PDZRN4: variants seen among roughly 807,000 people sequenced by gnomAD.
PDZRN4 encodes the protein PDZ domain-containing RING finger protein 4.
A neutral mutation model predicts 99.0 loss-of-function variants in PDZRN4; 70 were observed. The ratio of observed to expected loss-of-function variants is 0.71; its 90% confidence interval spans 0.58 to 0.86. The LOEUF (loss-of-function observed/expected upper bound fraction) is 0.86, where lower values mean the gene tolerates loss of function less well. PDZRN4 is among the 40% of genes least tolerant of loss of function. The pLI is 0.00. For synonymous variants in PDZRN4, 551 were observed against 501.6 expected (o/e 1.10, Z -1.32); for missense variants, 1,474 against 1,331.2 (o/e 1.11, Z -1.67).
At chr12:41,333,050 G>A (rs974765305) in intron 3 of PDZRN4, among the ~76,000 whole-genome samples, 4 of 152,084 alleles carry the variant, frequency 2.6e-5, no homozygotes, top group Non-Finnish European at 5.9e-5. Flanking sequence ...AGTGAGTGAT[G>A]GAGCTAGGAT....
At chr12:41,525,711 T>C (rs1386010858) in intron 5 of PDZRN4, among the ~76,000 whole-genome samples, 1 of 151,910 alleles carries the variant, frequency 6.6e-6, no homozygotes, top group Non-Finnish European at 1.5e-5. Context: ...AAGGAAAAAA[T>C]GGAAAAGAAA....
intron 3 of PDZRN4, among the ~76,000 whole-genome samples, chr12:41,328,086 T>A (rs992894098): frequency 6.6e-6 from 1 of 151,876 alleles, no homozygotes; most frequent in Non-Finnish European, 1.5e-5. Context: ...AGACAAGAGG[T>A]GGTCTACCCA....
intron 3 of PDZRN4, among the ~76,000 whole-genome samples, chr12:41,449,678 T>C (rs1371180319): frequency 6.6e-6 from 1 of 152,192 alleles, no homozygotes; most frequent in Non-Finnish European, 1.5e-5. Context: ...AGATGAAAAT[T>C]AAAATTAAAA....
chr12:41,430,769 A>G (rs1038085717), intron 3 of PDZRN4, among the ~76,000 whole-genome samples: 37 of 152,252 alleles, frequency 2.4e-4, no homozygotes, highest in African/African-American at 8.4e-4. Context: ...GTCTGTTCTC[A>G]TATTGCTATA....
rs1952642543 is a variant in PDZRN4, at chr12:41,437,690, A to T, written c.844-68766A>T. The stretch of plus-strand genomic sequence containing the variant: ...ATGTGCACTGATGCAGAGACGGGGG[A>T]GTGTTGCCATGAACTGACTGGAAAC... On this transcript the variant is annotated intron_variant, in intron 3 of 9. Coordinates refer to ENST00000402685, the MANE Select transcript of PDZRN4 (RefSeq NM_001164595.2). 3.0e-6 allele frequency: 4 copies of T among 1,318,872 alleles called. No homozygotes were observed. The East Asian group carries it at 1.1e-4, about 35-fold the overall frequency. The allele number at this position is 1,318,872 out of a possible 1,614,324, so 81.7% of individuals were successfully genotyped here. A position where few individuals can be genotyped will look rare whatever the true frequency, so the allele number is the denominator to read the frequency against.
intron 2 of PDZRN4, among the ~76,000 whole-genome samples, chr12:41,193,325 G>T (rs1215267267): frequency 6.6e-6 from 1 of 152,074 alleles, no homozygotes; most frequent in Non-Finnish European, 1.5e-5. Context: ...TATTTAACCT[G>T]TCATGAAGTC....
At chr12:41,316,513 G>T (rs182200249) in intron 3 of PDZRN4, among the ~76,000 whole-genome samples, 70 of 149,314 alleles carry the variant, frequency 4.7e-4, no homozygotes, top group Non-Finnish European at 7.4e-5. Flanking sequence ...AAAAACTGTA[G>T]CCCAGGACAA....
intron 3 of PDZRN4, among the ~76,000 whole-genome samples, chr12:41,503,223 A>G (rs1938141419): frequency 6.6e-6 from 1 of 152,156 alleles, no homozygotes; most frequent in African/African-American, 2.4e-5. Flanking sequence ...ACTTTGAGAG[A>G]TATTAAATAG....
chr12:41,226,079 T>A (rs190164177), intron 3 of PDZRN4, among the ~76,000 whole-genome samples: 253 of 151,796 alleles, frequency 1.7e-3, no homozygotes, highest in African/African-American at 5.8e-3. Context: ...GATCATTTGG[T>A]GTCATTTTTT....
intron 3 of PDZRN4, among the ~76,000 whole-genome samples, chr12:41,271,955 C>T (rs765991854): frequency 3.3e-5 from 5 of 152,024 alleles, no homozygotes; most frequent in Non-Finnish European, 7.4e-5. Context: ...TATTTCAATA[C>T]TGCACAGACA....
At chr12:41,496,406 G>A (rs1194760609) in intron 3 of PDZRN4, among the ~76,000 whole-genome samples, 1 of 152,056 alleles carries the variant, frequency 6.6e-6, no homozygotes, top group Non-Finnish European at 1.5e-5. Flanking sequence ...ACTCTGAGTG[G>A]ATATTATTAT....
intron 3 of PDZRN4, among the ~76,000 whole-genome samples, chr12:41,296,805 C>A (rs1424790063): frequency 6.6e-6 from 1 of 151,762 alleles, no homozygotes; most frequent in East Asian, 1.9e-4. Flanking sequence ...ACAAAAAATA[C>A]AAAAATTAGC....
intron 5 of PDZRN4, among the ~76,000 whole-genome samples, chr12:41,534,834 G>C (rs1449889119): frequency 6.6e-6 from 1 of 151,968 alleles, no homozygotes; most frequent in Non-Finnish European, 1.5e-5. Context: ...GGTTATTTCT[G>C]CATCTGTGGA....
At chr12:41,355,324 C>G (rs1017438809) in intron 3 of PDZRN4, among the ~76,000 whole-genome samples, 6 of 151,976 alleles carry the variant, frequency 3.9e-5, no homozygotes, top group Non-Finnish European at 8.8e-5. Flanking sequence ...ACATTGAGAA[C>G]CTGTTGTCTT....
At chr12:41,240,032 A>G (rs1243803952) in intron 3 of PDZRN4, among the ~76,000 whole-genome samples, 1 of 152,214 alleles carries the variant, frequency 6.6e-6, no homozygotes, top group Non-Finnish European at 1.5e-5. Context: ...CATGGAGTAA[A>G]TCACTGAAGC....
intron 3 of PDZRN4, among the ~76,000 whole-genome samples, chr12:41,262,256 AC>A (rs935289368): frequency 3.9e-5 from 6 of 152,162 alleles, no homozygotes; most frequent in African/African-American, 1.2e-4. Flanking sequence ...AAAGACCATG[AC>A]CACAATCTGT....
intron 5 of PDZRN4, among the ~76,000 whole-genome samples, chr12:41,531,076 G>A (rs914846804): frequency 6.6e-6 from 1 of 152,132 alleles, no homozygotes; most frequent in African/African-American, 2.4e-5. Context: ...TAGGCTGCTT[G>A]TGTTAACTAG....
At chr12:41,239,513 G>C (rs75717061) in intron 3 of PDZRN4, among the ~76,000 whole-genome samples, 23 of 152,218 alleles carry the variant, frequency 1.5e-4, no homozygotes, top group Non-Finnish European at 2.9e-4. Context: ...TCTGCCACCT[G>C]TTCTGTTTTC....
Position 41,573,266 on chromosome 12 carries a change from CCTCT to C in PDZRN4, c.2491_2494del (p.Ser831LeufsTer25). The C allele has an allele frequency of 6.2e-7, 1 of 1,613,884 alleles. No individual in the cohort carries two copies. Among genetic ancestry groups the C allele is most frequent in the Non-Finnish European group, 8.5e-7 (1 of 1,180,026 alleles). On this transcript the variant is annotated frameshift_variant, in exon 10 of 10. Transcript: ENST00000402685. LOFTEE classifies it high-confidence loss of function. ...AGGCAGTCAGCGAACACATCCCTTA[CCTCT>C]CTCCTTACCACAGCTCCTCATATAG...
Sources: gnomAD v4.1 joint callset for allele counts (sites outside exome capture counted in the v4.1 genomes callset) on GRCh38, gnomAD v4.1.1 for gene constraint, MANE v1.5 for transcripts, NCBI Gene and HGNC (gene_info 2026-07-23, HGNC 2026-07-21) for gene names.